JADE3: variants seen among roughly 807,000 people sequenced by gnomAD.
The protein encoded by JADE3 is protein Jade-3.
In JADE3, 2 loss-of-function variants were observed where a neutral mutation model predicts 50.1. The ratio of observed to expected loss-of-function variants is 0.04; its 90% CI spans 0.02 to 0.13. The LOEUF is 0.13. Ranked by LOEUF, JADE3 falls within the 10% of genes least tolerant of loss-of-function variation. The pLI is 1.00. For missense variants in JADE3, 475 were observed against 634.4 expected, an observed-to-expected ratio of 0.75 and a Z score of 2.70; for synonymous variants, 218 against 232.9, an observed-to-expected ratio of 0.94 and a Z score of 0.58.
intron 1 of JADE3, among the ~76,000 whole-genome samples, chrX:46,972,570 A>G (rs782042628): frequency 9.0e-6 from 1 of 110,955 alleles, no homozygotes; most frequent in South Asian, 3.8e-4. Context: ...TGTGATGTTT[A>G]GTTTCCAAGT....
chrX:47,060,821 A>G lies in JADE3; in HGVS notation c.*1744A>G, dbSNP rs782168931. 10 of 112,094 alleles carry G rather than the reference A, an allele frequency of 8.9e-5. No homozygotes were observed. In the East Asian group the frequency reaches 2.5e-3, roughly 28 times the overall value. 9.2% of individuals were successfully genotyped at this position (112,094 alleles called of 1,213,427 possible). A position where few individuals can be genotyped will look rare whatever the true frequency, so the allele number is the denominator to read the frequency against. ...ATATTAATTTGATACCTTCATGGTA[A>G]TGAAATTATGATGGAGCTGTGTTAT... On this transcript the variant is annotated 3_prime_UTR_variant, in exon 11 of 11. Transcript: ENST00000614628.
intron 1 of JADE3, among the ~76,000 whole-genome samples, chrX:46,966,470 C>T (rs1194102405): frequency 8.1e-5 from 9 of 110,888 alleles, no homozygotes; most frequent in Non-Finnish European, 1.3e-4. Flanking sequence ...CAGGGAACCA[C>T]CATCACCTAC....
intron 3 of JADE3, 138 bp downstream of exon 3, chrX:46,985,930 C>A: frequency 2.2e-6 from 1 of 460,268 alleles, no homozygotes; most frequent in Non-Finnish European, 3.8e-6. Context: ...ATATATCCCT[C>A]ATAAATAGAT....
At chrX:47,030,394 G>T (rs1928991892) in intron 6 of JADE3, among the ~76,000 whole-genome samples, 2 of 111,729 alleles carry the variant, frequency 1.8e-5, no homozygotes, top group Non-Finnish European at 3.8e-5. Context: ...ACCAGACCTT[G>T]CAGTATGTAA....
intron 1 of JADE3, among the ~76,000 whole-genome samples, chrX:46,974,036 C>T (rs1239468584): frequency 1.8e-5 from 2 of 110,683 alleles, no homozygotes; most frequent in Non-Finnish European, 3.8e-5. Context: ...GCCAAGATTG[C>T]GCTATTGCAC....
chrX:46,982,500 T>G (rs1277005946), intron 1 of JADE3, among the ~76,000 whole-genome samples: 2 of 111,682 alleles, frequency 1.8e-5, no homozygotes, highest in African/African-American at 6.5e-5. Context: ...TCTTTGCATA[T>G]CTCTTAAGTT....
At chrX:47,003,020 T>A (rs782551088) in intron 4 of JADE3, among the ~76,000 whole-genome samples, 1 of 111,917 alleles carries the variant, frequency 8.9e-6, no homozygotes, top group East Asian at 2.8e-4. Flanking sequence ...GGGTATTGAA[T>A]TTTGTCAACT....
chrX:46,970,939 A>G (rs967056530), intron 1 of JADE3, among the ~76,000 whole-genome samples: 2 of 110,731 alleles, frequency 1.8e-5, no homozygotes, highest in African/African-American at 3.3e-5. Context: ...TTGAGTTTCT[A>G]TCTGGAGAAA....
At chrX:47,032,746 A>G (rs782206449) in intron 6 of JADE3, among the ~76,000 whole-genome samples, 9 of 111,190 alleles carry the variant, frequency 8.1e-5, no homozygotes, top group Non-Finnish European at 1.3e-4. Flanking sequence ...ACACGGAAAG[A>G]AGGAGCTTGG....
At chrX:46,969,365 G>C (rs782612331) in intron 1 of JADE3, among the ~76,000 whole-genome samples, 7 of 110,430 alleles carry the variant, frequency 6.3e-5, no homozygotes, top group Admixed American at 9.6e-5. Flanking sequence ...GCAGTGAGCT[G>C]AGATCGTGCC....
intron 1 of JADE3, among the ~76,000 whole-genome samples, chrX:46,925,950 G>C (rs1926352638): frequency 9.1e-6 from 1 of 109,418 alleles, no homozygotes; most frequent in Non-Finnish European, 1.9e-5. Flanking sequence ...CAAACTCCTG[G>C]GCTCAAGTAA....
At chrX:47,052,303 T>A (rs1929527428) in intron 8 of JADE3, among the ~76,000 whole-genome samples, 1 of 108,897 alleles carries the variant, frequency 9.2e-6, no homozygotes, top group African/African-American at 3.3e-5. Flanking sequence ...ATAAACTTAA[T>A]TTCAGATTGT....
At chrX:46,991,051 T>TCCC (rs1927983668) in intron 3 of JADE3, among the ~76,000 whole-genome samples, 1 of 830 alleles carries the variant, frequency 1.2e-3, no homozygotes, top group African/African-American at 3.4e-3. Flanking sequence ...CTTCCCTCCC[T>TCCC]CCCTCCCTCA....
chrX:47,020,995 T>G (rs1556364292), intron 4 of JADE3, among the ~76,000 whole-genome samples: 1 of 110,570 alleles, frequency 9.0e-6, no homozygotes, highest in African/African-American at 3.3e-5. Context: ...GTACCTGTAG[T>G]TTCAGCTACT....
At chrX:47,047,461 C>T (rs1353917450) in intron 8 of JADE3, among the ~76,000 whole-genome samples, 4 of 109,625 alleles carry the variant, frequency 3.6e-5, no homozygotes, top group African/African-American at 1.3e-4. Context: ...ACAGGAGAAT[C>T]GCTTGAACCC....
intron 1 of JADE3, among the ~76,000 whole-genome samples, chrX:46,956,539 A>C (rs1556346350): frequency 1.8e-5 from 2 of 110,161 alleles, no homozygotes; most frequent in Non-Finnish European, 3.8e-5. Flanking sequence ...TTGCTTGTTT[A>C]TTTTAGAGAC....
intron 5 of JADE3, among the ~76,000 whole-genome samples, chrX:47,026,944 G>T (rs1928921220): frequency 9.0e-6 from 1 of 111,645 alleles, no homozygotes; most frequent in African/African-American, 3.2e-5. Flanking sequence ...AAAAAAATGT[G>T]TAACTTGTCT....
intron 1 of JADE3, among the ~76,000 whole-genome samples, chrX:46,916,105 C>A (rs1430924276): frequency 9.0e-6 from 1 of 111,578 alleles, no homozygotes; most frequent in Non-Finnish European, 1.9e-5. Flanking sequence ...ATATATGATA[C>A]CAGCATGGCC....
intron 10 of JADE3, 61 bp from the exon 11 acceptor site, chrX:47,058,106 A>G (rs1929667058): frequency 2.0e-6 from 2 of 1,001,557 alleles, no homozygotes; most frequent in Admixed American, 5.2e-5. Flanking sequence ...TCACTCTGCC[A>G]TAAGCACAAA....
Sources: allele counts gnomAD v4.1 joint callset (sites outside exome capture counted in the v4.1 genomes callset), GRCh38; gene constraint gnomAD v4.1.1; transcripts MANE v1.5; gene names NCBI Gene and HGNC (gene_info 2026-07-23, HGNC 2026-07-21).